SLC35F3: variants seen among roughly 807,000 people sequenced by gnomAD.
SLC35F3 encodes putative thiamine transporter SLC35F3.
A neutral mutation model predicts 49.9 loss-of-function variants in SLC35F3; 25 were observed. That is an observed-to-expected ratio of 0.50 (90% CI 0.37 to 0.70). The LOEUF (loss-of-function observed/expected upper bound fraction) is 0.70, where lower values mean the gene tolerates loss of function less well. Ranked by LOEUF, SLC35F3 falls within the 30% of genes least tolerant of loss-of-function variation. SLC35F3 has a pLI of 0.00. For missense variants in SLC35F3, 525 were observed against 639.8 expected, an observed-to-expected ratio of 0.82 and a Z score of 1.94; for synonymous variants, 275 against 265.4, an observed-to-expected ratio of 1.04 and a Z score of -0.35.
At chr1:234,159,225 A>C (rs1436311604) in intron 2 of SLC35F3, among the ~76,000 whole-genome samples, 1 of 152,128 alleles carries the variant, frequency 6.6e-6, no homozygotes, top group Non-Finnish European at 1.5e-5. Context: ...ATTTCTAAGA[A>C]ACTAACCCTT....
chr1:234,310,391 C>T (rs1423242814), intron 4 of SLC35F3, among the ~76,000 whole-genome samples: 1 of 152,156 alleles, frequency 6.6e-6, no homozygotes, highest in Non-Finnish European at 1.5e-5. Context: ...CTAAGTTACC[C>T]AAACAGCAGT....
intron 2 of SLC35F3, among the ~76,000 whole-genome samples, chr1:233,926,533 C>G (rs987336145): frequency 1.3e-5 from 2 of 152,094 alleles, no homozygotes; most frequent in Non-Finnish European, 1.5e-5. Context: ...AGCCATTCAT[C>G]TAATGTTTTT....
At chr1:234,079,080 A>G (rs562196798) in intron 2 of SLC35F3, among the ~76,000 whole-genome samples, 1 of 149,894 alleles carries the variant, frequency 6.7e-6, no homozygotes, top group Admixed American at 6.7e-5. Context: ...AGGTACTACA[A>G]AGCAACTGTA....
intron 2 of SLC35F3, among the ~76,000 whole-genome samples, chr1:234,151,811 C>T (rs1164245941): frequency 6.6e-6 from 1 of 151,964 alleles, no homozygotes; most frequent in African/African-American, 2.4e-5. Context: ...TTAAAAACCC[C>T]ACAAAATCCA....
At chr1:234,164,351 CT>C (rs1204208509) in intron 2 of SLC35F3, among the ~76,000 whole-genome samples, 2 of 149,440 alleles carry the variant, frequency 1.3e-5, no homozygotes, top group Non-Finnish European at 1.5e-5. Context: ...TCTCTCCCCC[CT>C]CCCTCCTTCT....
chr1:234,182,078 A>T lies in SLC35F3; in HGVS notation c.284-49339A>T, dbSNP rs553438168. 4.0e-4 allele frequency among the ~76,000 whole-genome samples: 61 copies of T among 152,366 alleles called. No homozygotes were observed. The South Asian group carries it at 9.3e-3, about 23-fold the overall frequency. ...ATTTTTTCCTTTTTTTAACTGATTTAAAAACAGTAAGTTGGATTTCTAATA... is the reference window on the plus strand; with the variant it reads ...ATTTTTTCCTTTTTTTAACTGATTTTAAAACAGTAAGTTGGATTTCTAATA... On this transcript the variant is annotated intron_variant, in intron 2 of 7. Coordinates refer to ENST00000366618, the MANE Select transcript of SLC35F3 (RefSeq NM_173508.4).
intron 2 of SLC35F3, among the ~76,000 whole-genome samples, chr1:234,161,280 G>A (rs1343574311): frequency 6.6e-6 from 1 of 152,218 alleles, no homozygotes; most frequent in African/African-American, 2.4e-5. Flanking sequence ...ATGGAGGAAA[G>A]AAGCATAGAA....
intron 2 of SLC35F3, among the ~76,000 whole-genome samples, chr1:233,952,344 G>A (rs564086483): frequency 1.3e-5 from 2 of 152,256 alleles, no homozygotes; most frequent in East Asian, 1.9e-4. Context: ...GGAAGCAGGT[G>A]ACTTTCTCCT....
intron 2 of SLC35F3, among the ~76,000 whole-genome samples, chr1:233,977,598 C>G (rs934987448): frequency 5.3e-5 from 8 of 152,116 alleles, no homozygotes; most frequent in African/African-American, 1.9e-4. Flanking sequence ...CTACTCTATG[C>G]TATATATTTT....
At chr1:234,129,473 T>C (rs1207593942) in intron 2 of SLC35F3, among the ~76,000 whole-genome samples, 1 of 152,198 alleles carries the variant, frequency 6.6e-6, no homozygotes. Flanking sequence ...AGATACACCA[T>C]GTTTATGGTT....
chr1:234,265,694 A>C (rs1667968223), intron 3 of SLC35F3, among the ~76,000 whole-genome samples: 1 of 152,050 alleles, frequency 6.6e-6, no homozygotes, highest in Non-Finnish European at 1.5e-5. Flanking sequence ...GTCTGTTCTC[A>C]ACACAGAACA....
rs768910558 is a variant in SLC35F3, at chr1:234,231,441, C to T, written c.308C>T (p.Pro103Leu). The change falls in exon 3 of 8, where the codon CCG becomes CTG. Residue 103 changes from proline (P) to leucine (L), a missense_variant. Coordinates refer to ENST00000366618, the MANE Select transcript of SLC35F3 (RefSeq NM_173508.4). This position sits in a 1 kb window ranked among gnomAD's most constrained non-coding sequence, Gnocchi z 5.4. ...GGGGAGGAGCGCCCCCGGGACTCCCCGGGCCCGGCGGAGGCCCAGGCACCG... is the reference window on the plus strand; with the variant it reads ...GGGGAGGAGCGCCCCCGGGACTCCCTGGGCCCGGCGGAGGCCCAGGCACCG... ...CKREERPRDSPGPAEAQAPAG... is the reference protein window; with the variant it reads ...CKREERPRDSLGPAEAQAPAG... 2.5e-6 allele frequency: 4 copies of T among 1,596,460 alleles called. No individual in the cohort carries two copies. Among genetic ancestry groups the T allele is most frequent in the African/African-American group, 2.7e-5 (2 of 74,566 alleles).
At chr1:234,192,691 A>G (rs1666748864) in intron 2 of SLC35F3, among the ~76,000 whole-genome samples, 1 of 152,096 alleles carries the variant, frequency 6.6e-6, no homozygotes, top group Non-Finnish European at 1.5e-5. Flanking sequence ...AAACCTAGAA[A>G]ACCCTAAAGA....
chr1:234,217,377 T>C (rs940995872), intron 2 of SLC35F3, among the ~76,000 whole-genome samples: 1 of 152,232 alleles, frequency 6.6e-6, no homozygotes, highest in African/African-American at 2.4e-5. Flanking sequence ...AAAGGAACAA[T>C]TCTAGCTTCA....
chr1:234,255,447 T>G (rs549519561), intron 3 of SLC35F3, among the ~76,000 whole-genome samples: 19 of 152,348 alleles, frequency 1.2e-4, no homozygotes, highest in African/African-American at 4.1e-4. Flanking sequence ...AGCTTGGTGT[T>G]TTCTTACAGA....
intron 2 of SLC35F3, among the ~76,000 whole-genome samples, chr1:234,164,762 A>G (rs902725213): frequency 1.5e-5 from 2 of 136,144 alleles, no homozygotes; most frequent in Non-Finnish European, 3.1e-5. Flanking sequence ...ACTTTTCTCA[A>G]GGAGAGTTGT....
At chr1:234,020,917 T>C (rs1472159340) in intron 2 of SLC35F3, among the ~76,000 whole-genome samples, 3 of 152,354 alleles carry the variant, frequency 2.0e-5, no homozygotes, top group South Asian at 2.1e-4. Flanking sequence ...GAGCATTCAA[T>C]TGCTACTTTG....
intron 2 of SLC35F3, among the ~76,000 whole-genome samples, chr1:234,072,921 A>C (rs575878839): frequency 6.6e-6 from 1 of 152,276 alleles, no homozygotes; most frequent in African/African-American, 2.4e-5. Context: ...TTTGAAAAGA[A>C]TCACTTTGGT....
At chr1:234,067,610 C>A (rs577185755) in intron 2 of SLC35F3, among the ~76,000 whole-genome samples, 6 of 152,202 alleles carry the variant, frequency 3.9e-5, no homozygotes, top group African/African-American at 1.4e-4. Flanking sequence ...GACTACCTGG[C>A]GAAGAAGCTT....
Sources: gnomAD v4.1 joint callset for allele counts (sites outside exome capture counted in the v4.1 genomes callset) on GRCh38, gnomAD v4.1.1 for gene constraint, Gnocchi (gnomAD v3.1) non-coding constraint, MANE v1.5 for transcripts, NCBI Gene and HGNC (gene_info 2026-07-23, HGNC 2026-07-21) for gene names.